TSBP1: variants seen among roughly 807,000 people sequenced by gnomAD.
TSBP1 encodes the protein testis expressed basic protein 1.
TSBP1 carries 56 observed loss-of-function variants against 68.8 expected under a neutral mutation model. The ratio of observed to expected loss-of-function variants is 0.81; its 90% CI spans 0.66 to 1.02. The LOEUF (loss-of-function observed/expected upper bound fraction) is 1.02. TSBP1 is among the 50% of genes least tolerant of loss of function. The pLI, the probability that TSBP1 is intolerant of heterozygous loss-of-function variation, is 0.00. For missense variants in TSBP1, 502 were observed against 641.2 expected, an observed-to-expected ratio of 0.78 and a Z score of 2.34; for synonymous variants, 171 against 208.7, an observed-to-expected ratio of 0.82 and a Z score of 1.56.
At position 32,315,892 on chromosome 6, in the gene TSBP1, G is replaced by C; in HGVS notation, c.560-100C>G. The C allele has an allele frequency of 1.4e-6, 1 of 716,972 alleles. No individual in the cohort carries two copies. Among genetic ancestry groups the C allele is most frequent in the South Asian group, 2.0e-5 (1 of 48,808 alleles). 44.4% of individuals were successfully genotyped at this position (716,972 alleles called of 1,614,324 possible). On this transcript the variant is annotated intron_variant, in intron 18 of 22. Coordinates refer to ENST00000612031, the Ensembl canonical transcript of TSBP1. This position sits in a 1 kb window ranked among gnomAD's most constrained non-coding sequence, Gnocchi z 5.4. Reference sequence around the variant, plus strand: ...GTTGGAGTCTGTGAGGGGAGGACTTGTGTGGGCAAAGAAGGAAGCATTCCA... The same window carrying C: ...GTTGGAGTCTGTGAGGGGAGGACTTCTGTGGGCAAAGAAGGAAGCATTCCA...
In TSBP1 at chr6:32,365,479, A is replaced by G. The variant is rs1562195597; in HGVS notation, c.217+688T>C. The G allele has an allele frequency of 4.4e-6, 2 of 456,684 alleles. No individual in the cohort carries two copies. Among genetic ancestry groups the G allele is most frequent in the Non-Finnish European group, 8.8e-6 (2 of 226,978 alleles). 28.3% of individuals were successfully genotyped at this position (456,684 alleles called of 1,614,324 possible). ...CGCATCTCAAATGGCAGGCTTTCTG[A>G]TGAGGCTTTCTGATGAGTGGGTTCT... On this transcript the variant is annotated intron_variant, in intron 6 of 22. Coordinates refer to ENST00000612031, the Ensembl canonical transcript of TSBP1. The surrounding 1 kb of genome is among the most constrained non-coding windows in gnomAD (Gnocchi z 4.3).
At chr6:32,301,149 C>T (rs1209113796) in intron 20 of TSBP1, among the ~76,000 whole-genome samples, 8 of 152,044 alleles carry the variant, frequency 5.3e-5, no homozygotes, top group Non-Finnish European at 1.2e-4. Context: ...CAGTTTCAGC[C>T]TCCTGAGTAG....
chr6:32,293,622 C>T (rs1412333557), exon 23 of TSBP1: 1 of 1,613,016 alleles, frequency 6.2e-7, no homozygotes, highest in Non-Finnish European at 8.5e-7. Context: ...GTTACTTGGG[C>T]TTCTTGTCCT....
chr6:32,366,275 C>T, exon 5 of TSBP1: 1 of 1,599,612 alleles, frequency 6.3e-7, no homozygotes, highest in Non-Finnish European at 8.5e-7. Flanking sequence ...TAATTTACCA[C>T]TTTGTGTTGA....
intron 19 of TSBP1, among the ~76,000 whole-genome samples, chr6:32,305,308 C>T (rs9268172): frequency 0.21 from 31,877 of 151,922 alleles, 3,494 homozygotes; most frequent in East Asian, 0.22. Flanking sequence ...ACTCCAGCAC[C>T]TGGACCCATT....
chr6:32,335,797 G>T lies in TSBP1; in HGVS notation c.451+115C>A. The T allele has an allele frequency of 1.2e-6, 1 of 832,106 alleles. No homozygotes were observed. The highest frequency in any genetic ancestry group is 2.0e-6 in the Non-Finnish European group (1 of 504,050). 51.5% of individuals were successfully genotyped at this position (832,106 alleles called of 1,614,324 possible). A position where few individuals can be genotyped will look rare whatever the true frequency, so the allele number is the denominator to read the frequency against. On this transcript the variant is annotated intron_variant, in intron 13 of 22. Coordinates refer to ENST00000612031, the Ensembl canonical transcript of TSBP1. The surrounding 1 kb of genome is among the most constrained non-coding windows in gnomAD (Gnocchi z 5.5). ...GCTAGGTTGAAGAAAAATAAGGGTT[G>T]AAGAAAATGTGAACTCCAAACCCTT... is the stretch of plus-strand genomic sequence containing the variant.
intron 20 of TSBP1, among the ~76,000 whole-genome samples, chr6:32,301,920 T>C (rs934332825): frequency 6.7e-6 from 1 of 150,010 alleles, no homozygotes; most frequent in African/African-American, 2.4e-5. Flanking sequence ...TTGCATGTCC[T>C]GTGAGGTAAG....
chr6:32,327,461 G>C (rs989052470), intron 16 of TSBP1, among the ~76,000 whole-genome samples: 1 of 152,114 alleles, frequency 6.6e-6, no homozygotes, highest in Non-Finnish European at 1.5e-5. Flanking sequence ...CCGGCCTTAC[G>C]TGCCTTACTT....
At chr6:32,305,563 T>C (rs904024242) in intron 19 of TSBP1, among the ~76,000 whole-genome samples, 2 of 152,254 alleles carry the variant, frequency 1.3e-5, no homozygotes, top group African/African-American at 4.8e-5. Flanking sequence ...TCAGTTCATC[T>C]GCATCTCGTT....
At chr6:32,366,024 G>A in intron 6 of TSBP1, 143 bp downstream of exon 6, 1 of 1,286,874 alleles carries the variant, frequency 7.8e-7, no homozygotes, top group African/African-American at 1.5e-5. Context: ...GTGAACATTT[G>A]TGAACATTTC....
chr6:32,327,658 T>TA (rs1554195529), intron 16 of TSBP1, among the ~76,000 whole-genome samples: 53 of 145,170 alleles, frequency 3.7e-4, no homozygotes, highest in Non-Finnish European at 3.1e-4. Context: ...CTTTTTCTTT[T>TA]TTTTTTTCTT....
intron 8 of TSBP1, chr6:32,350,030 A>G: frequency 1.5e-6 from 1 of 686,266 alleles, no homozygotes; most frequent in Non-Finnish European, 2.7e-6. Flanking sequence ...GGAGATTGCT[A>G]GTTTCTCAAT....
chr6:32,325,454 G>A lies in TSBP1; in HGVS notation c.515-1840C>T. On this transcript the variant is annotated intron_variant, in intron 16 of 22. Coordinates refer to ENST00000612031, the Ensembl canonical transcript of TSBP1. This position sits in a 1 kb window ranked among gnomAD's most constrained non-coding sequence, Gnocchi z 4.4. Reference sequence around the variant, plus strand: ...CCGTGAATGCAAGGCCACACAAGGTGGATGGAAGAGCTGTGGAACCAAAGA... The same window carrying A: ...CCGTGAATGCAAGGCCACACAAGGTAGATGGAAGAGCTGTGGAACCAAAGA... 1 of 908,962 alleles carries A rather than the reference G, an allele frequency of 1.1e-6. No individual in the cohort carries two copies. Among genetic ancestry groups the A allele is most frequent in the African/African-American group, 1.6e-5 (1 of 60,764 alleles). The allele number at this position is 908,962 out of a possible 1,614,324, so 56.3% of individuals were successfully genotyped here.
intron 16 of TSBP1, chr6:32,324,720 G>C: frequency 6.5e-7 from 1 of 1,549,346 alleles, no homozygotes; most frequent in South Asian, 1.2e-5. Context: ...CCCCTTTCTT[G>C]TTTCTTTTCC....
At chr6:32,328,617 A>G (rs1181856178) in intron 16 of TSBP1, among the ~76,000 whole-genome samples, 6 of 151,530 alleles carry the variant, frequency 4.0e-5, no homozygotes, top group Non-Finnish European at 5.9e-5. Flanking sequence ...AAGTTTCACC[A>G]TGTTGGCCAG....
intron 6 of TSBP1, 90 bp from the exon 7 acceptor site, chr6:32,355,759 C>A: frequency 4.9e-6 from 7 of 1,430,042 alleles, no homozygotes; most frequent in Non-Finnish European, 6.5e-6. Context: ...CCAATCAACA[C>A]CCTCAAATAT....
intron 8 of TSBP1, among the ~76,000 whole-genome samples, chr6:32,352,033 G>C (rs1283918468): frequency 6.6e-6 from 1 of 151,944 alleles, no homozygotes; most frequent in Non-Finnish European, 1.5e-5. Flanking sequence ...TTCATTTAAG[G>C]CTGAAGGTGA....
intron 21 of TSBP1, 104 bp from the exon 25 acceptor site, chr6:32,300,040 GA>G: frequency 1.1e-6 from 1 of 903,034 alleles, no homozygotes; most frequent in Non-Finnish European, 1.8e-6. Context: ...ACAGGACTTG[GA>G]GGGAGCACAA....
chr6:32,355,593 AG>A, intron 7 of TSBP1, 55 bp downstream of exon 7: 1 of 1,580,714 alleles, frequency 6.3e-7, no homozygotes. Flanking sequence ...TTTACAATCT[AG>A]GGAAATGTTA....
Sources: allele counts gnomAD v4.1 joint callset (sites outside exome capture counted in the v4.1 genomes callset), GRCh38; gene constraint gnomAD v4.1.1; non-coding constraint Gnocchi (gnomAD v3.1); transcripts MANE v1.5; gene names NCBI Gene and HGNC (gene_info 2026-07-23, HGNC 2026-07-21).